The following VTCN1 variants were observed in gnomAD, a reference collection of about 807,000 sequenced individuals.
VTCN1 encodes the protein V-set domain containing T cell activation inhibitor 1, also known as V-set domain-containing T-cell activation inhibitor 1.
In VTCN1, 26 loss-of-function variants were observed where a neutral mutation model predicts 26.5. That is an observed-to-expected ratio of 0.98 (90% CI 0.72 to 1.36). The LOEUF (loss-of-function observed/expected upper bound fraction) is 1.36. VTCN1 is among the 40% of genes most tolerant of loss of function. The pLI is 0.00. For synonymous variants in VTCN1, 116 were observed against 130.7 expected, an observed-to-expected ratio of 0.89 and a Z score of 0.77; for missense variants, 298 against 337.7, an observed-to-expected ratio of 0.88 and a Z score of 0.92.
chr1:117,156,662 G>C lies in VTCN1; in HGVS notation c.357C>G (p.Asn119Lys). 1.2e-6 allele frequency: 2 copies of C among 1,614,094 alleles called. No homozygotes were observed. The highest frequency in any genetic ancestry group is 1.7e-6 in the Non-Finnish European group (2 of 1,179,996). Residue 119 changes from asparagine to lysine, a missense_variant, in exon 3 of 6, where the codon AAC (asparagine) becomes AAG (lysine). Asn to Lys is a moderately conservative substitution (Grantham distance 94). Coordinates refer to ENST00000369458, the MANE Select transcript of VTCN1 (RefSeq NM_024626.4). Reference sequence around the variant, plus strand: ...AGGTGCCAGCATCTGTGAGTTGCACGTTTTTCAGCCGCAAAGAGGCATTGC... The same window carrying C: ...AGGTGCCAGCATCTGTGAGTTGCACCTTTTTCAGCCGCAAAGAGGCATTGC... ...IVGNASLRLK[N>K]VQLTDAGTYK...
At chr1:117,152,390 A>G (rs1260692682) in intron 4 of VTCN1, among the ~76,000 whole-genome samples, 2 of 152,106 alleles carry the variant, frequency 1.3e-5, no homozygotes, top group East Asian at 3.8e-4. Context: ...TTTGAATCCA[A>G]TTTCGCCCCA....
intron 2 of VTCN1, among the ~76,000 whole-genome samples, chr1:117,164,122 G>A (rs901358375): frequency 6.6e-6 from 1 of 152,080 alleles, no homozygotes; most frequent in Admixed American, 6.5e-5. Context: ...ACATCCCAGA[G>A]AGTATCTGAG....
At chr1:117,173,687 T>C (rs1057191667) in intron 1 of VTCN1, among the ~76,000 whole-genome samples, 2 of 152,270 alleles carry the variant, frequency 1.3e-5, no homozygotes, top group African/African-American at 4.8e-5. Context: ...CAGAAAGGGC[T>C]ATTCATACAC....
intron 1 of VTCN1, among the ~76,000 whole-genome samples, chr1:117,184,257 A>G (rs1010467766): frequency 6.6e-6 from 1 of 152,054 alleles, no homozygotes; most frequent in African/African-American, 2.4e-5. Flanking sequence ...ACCTTAAGAT[A>G]TGGAAGGCAT....
chr1:117,192,015 A>G (rs1648270571), intron 1 of VTCN1, among the ~76,000 whole-genome samples: 1 of 145,852 alleles, frequency 6.9e-6, no homozygotes, highest in African/African-American at 2.6e-5. Context: ...GGAGATATAT[A>G]GATATATATA....
chr1:117,153,281 T>A lies in VTCN1; in HGVS notation c.534A>T (p.Thr178=). 2 of 1,614,094 alleles carry A rather than the reference T, an allele frequency of 1.2e-6. No individual in the cohort carries two copies. Among genetic ancestry groups the A allele is most frequent in the South Asian group, 2.2e-5 (2 of 91,076 alleles). Residue 178 remains threonine (T), a synonymous_variant, in exon 4 of 6, where the codon ACA becomes ACT. Coordinates refer to ENST00000369458, the MANE Select transcript of VTCN1 (RefSeq NM_024626.4). ...CEAPRWFPQP[T]VVWASQVDQG... ...GGTCAACTTGGGATGCCCAGACCAC[T>A]GTGGGCTGGGGGAACCATCGGGGAG...
At chr1:117,158,199 T>TG (rs1159802749) in intron 2 of VTCN1, among the ~76,000 whole-genome samples, 2 of 152,200 alleles carry the variant, frequency 1.3e-5, no homozygotes, top group Non-Finnish European at 2.9e-5. Flanking sequence ...CTCCACTAAG[T>TG]GGTGCACCAG....
Position 117,175,818 on chromosome 1 carries a change from T to G in VTCN1, c.33-5647A>C, listed in dbSNP as rs1287784476. ...TGGAGTTTCACTCTGTTGCCCAGGC[T>G]GGAGTGCACTGGCATGATCTCAGTT... On this transcript the variant is annotated intron_variant, in intron 1 of 5. Transcript: ENST00000369458. This position sits in a 1 kb window ranked among gnomAD's most constrained non-coding sequence, Gnocchi z 4.2. 6.7e-6 allele frequency among the ~76,000 whole-genome samples: 1 copy of G among 149,698 alleles called. No individual in the cohort carries two copies. The highest frequency in any genetic ancestry group is 1.5e-5 in the Non-Finnish European group (1 of 67,800).
rs1652264739 is a variant in VTCN1, at chr1:117,159,624, A to C, written c.98-2703T>G. Among the ~76,000 whole-genome samples, 1 of 152,232 alleles carries C rather than the reference A, an allele frequency of 6.6e-6. No individual in the cohort carries two copies. The highest frequency in any genetic ancestry group is 2.4e-5 in the African/African-American group (1 of 41,462). ...ATATTAACCTGATTTGCAAACTGTA[A>C]TTACACATATAAGGTATTGTTATTC... On this transcript the variant is annotated intron_variant, in intron 2 of 5. Transcript: ENST00000369458. The surrounding 1 kb of genome is among the most constrained non-coding windows in gnomAD (Gnocchi z 4.7).
At chr1:117,178,523 G>T (rs1647495670) in intron 1 of VTCN1, among the ~76,000 whole-genome samples, 1 of 150,398 alleles carries the variant, frequency 6.6e-6, no homozygotes, top group African/African-American at 2.4e-5. Flanking sequence ...CTCCCAAAGT[G>T]CTGGGATTGC....
chr1:117,159,501 A>G lies in VTCN1; in HGVS notation c.98-2580T>C, dbSNP rs1478968866. On this transcript the variant is annotated intron_variant, in intron 2 of 5. Transcript: ENST00000369458. This position sits in a 1 kb window ranked among gnomAD's most constrained non-coding sequence, Gnocchi z 4.7. ...CAGGTCCCTCCCACAACACATGGGA[A>G]TTATGGGAGTATAATTTAAGATGAG... Among the ~76,000 whole-genome samples the G allele has an allele frequency of 6.6e-6, 1 of 152,234 alleles. No individual in the cohort carries two copies. Among genetic ancestry groups the G allele is most frequent in the Admixed American group, 6.5e-5 (1 of 15,284 alleles).
chr1:117,186,906 T>A (rs750619817), intron 1 of VTCN1, among the ~76,000 whole-genome samples: 53 of 152,042 alleles, frequency 3.5e-4, no homozygotes, highest in Non-Finnish European at 5.7e-4. Context: ...GACCCTGTTC[T>A]TGAATTCCTT....
chr1:117,151,507 C>T (rs150715830), intron 4 of VTCN1, among the ~76,000 whole-genome samples: 8,155 of 146,906 alleles, frequency 0.056, 261 homozygotes, highest in South Asian at 0.08. Flanking sequence ...GCTTTTATTC[C>T]CTTATTTGGC....
At chr1:117,196,309 T>G (rs1648503685) in intron 1 of VTCN1, among the ~76,000 whole-genome samples, 1 of 151,994 alleles carries the variant, frequency 6.6e-6, no homozygotes. Context: ...AGAAGATTTA[T>G]TTGAGAAATA....
At position 117,144,261 on chromosome 1, in the gene VTCN1, A is replaced by G. The variant is rs542571336; in HGVS notation, c.*1010T>C. 2.4e-4 allele frequency: 37 copies of G among 152,328 alleles called. No individual in the cohort carries two copies. The highest frequency in any genetic ancestry group is 8.9e-4 in the African/African-American group (37 of 41,562). The allele number at this position is 152,328 out of a possible 1,614,324, so 9.4% of individuals were successfully genotyped here. A position where few individuals can be genotyped will look rare whatever the true frequency, so the allele number is the denominator to read the frequency against. Reference sequence around the variant, plus strand: ...GTTGTAATGGGGAGACGTCCTGTACATGGTAGGAGGTTGAGCAGCATCCCT... The same window carrying G: ...GTTGTAATGGGGAGACGTCCTGTACGTGGTAGGAGGTTGAGCAGCATCCCT... On this transcript the variant is annotated 3_prime_UTR_variant, in exon 6 of 6. Transcript: ENST00000369458.
Position 117,147,542 on chromosome 1 carries a change from C to CATA in VTCN1, c.*45+70_*45+71insTAT, listed in dbSNP as rs1651571257. The CATA allele has an allele frequency of 7.7e-7, 1 of 1,299,414 alleles. No individual in the cohort carries two copies. Among genetic ancestry groups the CATA allele is most frequent in the African/African-American group, 1.5e-5 (1 of 68,080 alleles). The allele number at this position is 1,299,414 out of a possible 1,614,324, so 80.5% of individuals were successfully genotyped here. On this transcript the variant is annotated intron_variant, in intron 5 of 5. Coordinates refer to ENST00000369458, the MANE Select transcript of VTCN1 (RefSeq NM_024626.4). This position sits in a 1 kb window ranked among gnomAD's most constrained non-coding sequence, Gnocchi z 4.6. The stretch of plus-strand genomic sequence containing the variant: ...TTCTTTCTGTGGCTGATGCTGAAGG[C>CATA]TATCCGACTCTCATTAGGAGCACAA...
At chr1:117,165,812 G>A (rs73008047) in intron 2 of VTCN1, among the ~76,000 whole-genome samples, 3,443 of 152,146 alleles carry the variant, frequency 0.023, 145 homozygotes, top group African/African-American at 0.079. Context: ...TCTGCTTAAC[G>A]CTATTTGCTT....
rs1647983705 is a variant in VTCN1, at chr1:117,187,176, T to TG, written c.33-17006dup. On this transcript the variant is annotated intron_variant, in intron 1 of 5. Coordinates refer to ENST00000369458, the MANE Select transcript of VTCN1 (RefSeq NM_024626.4). ...AAATACAAAAATTAGTTAGGTGTGG[T>TG]GGTGCGCACCTGCAGTCCCAGCTAC... 2.0e-5 allele frequency among the ~76,000 whole-genome samples: 3 copies of TG among 151,398 alleles called. No homozygotes were observed. In the South Asian group the frequency reaches 6.3e-4, roughly 32 times the overall value.
intron 1 of VTCN1, among the ~76,000 whole-genome samples, chr1:117,178,878 C>A (rs1647524412): frequency 6.6e-6 from 1 of 152,128 alleles, no homozygotes; most frequent in Non-Finnish European, 1.5e-5. Context: ...GCATGAGCCA[C>A]CACACCCAGC....
Sources: gnomAD v4.1 joint callset for allele counts (sites outside exome capture counted in the v4.1 genomes callset) on GRCh38, gnomAD v4.1.1 for gene constraint, Gnocchi (gnomAD v3.1) non-coding constraint, MANE v1.5 for transcripts, NCBI Gene and HGNC (gene_info 2026-07-23, HGNC 2026-07-21) for gene names.